LRP5: variants seen among roughly 807,000 people sequenced by gnomAD.
LRP5 encodes low-density lipoprotein receptor-related protein 5.
Under a neutral mutation model 154.1 loss-of-function variants are expected in LRP5, and 62 were observed. That is an observed-to-expected ratio of 0.40 (90% confidence interval 0.33 to 0.50). The LOEUF (loss-of-function observed/expected upper bound fraction) is 0.50. LRP5 is among the 20% of genes least tolerant of loss of function. The pLI, the probability that LRP5 is intolerant of heterozygous loss-of-function variation, is 0.55. For synonymous variants in LRP5, 966 were observed against 1,011.5 expected (o/e 0.96, Z 0.85); for missense variants, 1,915 against 2,336.7 (o/e 0.82, Z 3.72).
Position 68,413,254 on chromosome 11 carries a change from C to A in LRP5, c.2504-435C>A. 3.5e-6 allele frequency: 1 copy of A among 289,102 alleles called. No individual in the cohort carries two copies. The allele number at this position is 289,102 out of a possible 1,614,324, so 17.9% of individuals were successfully genotyped here. ...CAAAAGCCCTGGAAACTCATGTGAC[C>A]CTGCCAATGAGGGCGGCCATGTGCA... On this transcript the variant is annotated intron_variant, in intron 11 of 22. Coordinates refer to ENST00000294304, the MANE Select transcript of LRP5 (RefSeq NM_002335.4). This position sits in a 1 kb window ranked among gnomAD's most constrained non-coding sequence, Gnocchi z 5.1.
At chr11:68,310,546 G>A (rs183620989), upstream of LRP5, among the ~76,000 whole-genome samples, 33 of 152,292 alleles carry the variant, frequency 2.2e-4, no homozygotes, top group African/African-American at 6.0e-4. Context: ...CTTGAGCCTG[G>A]GAGGCAGAGG....
chr11:68,355,567 C>T (rs1423761073), intron 2 of LRP5, among the ~76,000 whole-genome samples: 2 of 152,202 alleles, frequency 1.3e-5, no homozygotes, highest in South Asian at 2.1e-4. Context: ...CTGAGAGTCA[C>T]GCCCAGCCTC....
chr11:68,364,372 G>A (rs1348576854), intron 4 of LRP5, among the ~76,000 whole-genome samples: 1 of 151,502 alleles, frequency 6.6e-6, no homozygotes. Flanking sequence ...GTGTGTGTGT[G>A]TGTGTGTGTG....
At chr11:68,394,723 C>T (rs1348849530) in intron 7 of LRP5, among the ~76,000 whole-genome samples, 1 of 152,166 alleles carries the variant, frequency 6.6e-6, no homozygotes, top group Non-Finnish European at 1.5e-5. Flanking sequence ...CTCGGCCTCC[C>T]AAAGTGCTGG....
At chr11:68,301,324 T>C in the LRP5 span, among the ~76,000 whole-genome samples, 42 of 148,828 alleles carry the variant, frequency 2.8e-4, no homozygotes, top group African/African-American at 9.7e-4. Context: ...TGAAGGTACA[T>C]TGGGCTGAGT....
rs189965669 is a variant in LRP5 at position 68,358,662 on chromosome 11, C to T, written c.686+815C>T. ...GGGGGCCTTCCACATGGTCAGTGCTCAATAAAATGGGCCGAGAATGAGTAG... is the reference window on the plus strand; with the variant it reads ...GGGGGCCTTCCACATGGTCAGTGCTTAATAAAATGGGCCGAGAATGAGTAG... On this transcript the variant is annotated intron_variant, in intron 3 of 22. Coordinates refer to ENST00000294304, the MANE Select transcript of LRP5 (RefSeq NM_002335.4). 1.1e-4 allele frequency among the ~76,000 whole-genome samples: 16 copies of T among 152,320 alleles called. 1 individual carries two copies. Among genetic ancestry groups the T allele is most frequent in the Non-Finnish European group, 2.4e-4 (16 of 68,028 alleles).
At chr11:68,314,187 T>G (rs961843755) in intron 1 of LRP5, among the ~76,000 whole-genome samples, 2 of 151,876 alleles carry the variant, frequency 1.3e-5, no homozygotes, top group Non-Finnish European at 2.9e-5. Context: ...GGAAACTGTT[T>G]GTTTTAAAGG....
At chr11:68,432,047 G>A (rs905844717) in intron 17 of LRP5, among the ~76,000 whole-genome samples, 1 of 152,216 alleles carries the variant, frequency 6.6e-6, no homozygotes, top group Non-Finnish European at 1.5e-5. Flanking sequence ...ATAGTGGCAG[G>A]AGCCAGGCTG....
intron 22 of LRP5, 141 bp from the exon 23 acceptor site, chr11:68,448,668 C>T (rs766933386): frequency 1.3e-5 from 13 of 1,007,596 alleles, no homozygotes; most frequent in Admixed American, 9.6e-5. Flanking sequence ...GGCGACACAG[C>T]GGGGTGGGTC....
At chr11:68,300,227 G>A in the LRP5 span, among the ~76,000 whole-genome samples, 10 of 149,236 alleles carry the variant, frequency 6.7e-5, 1 homozygote, top group South Asian at 2.1e-4. Context: ...ATCCCGTGGC[G>A]TTTACAAGCT....
intron 9 of LRP5, among the ~76,000 whole-genome samples, chr11:68,408,778 T>C (rs1411088910): frequency 1.3e-5 from 2 of 152,068 alleles, no homozygotes; most frequent in African/African-American, 4.8e-5. Context: ...CCGGGCACAG[T>C]GGCTCATGCC....
the LRP5 span, among the ~76,000 whole-genome samples, chr11:68,305,856 A>T: frequency 6.6e-6 from 1 of 152,190 alleles, no homozygotes; most frequent in Non-Finnish European, 1.5e-5. Flanking sequence ...TAGGTACTGT[A>T]TTAGTTTCCT....
intron 17 of LRP5, among the ~76,000 whole-genome samples, chr11:68,433,045 G>A (rs986909657): frequency 6.6e-6 from 1 of 152,184 alleles, no homozygotes; most frequent in Non-Finnish European, 1.5e-5. Context: ...GTGCTGACAG[G>A]TCCTCTGCCG....
intron 1 of LRP5, among the ~76,000 whole-genome samples, chr11:68,323,699 C>T (rs184992435): frequency 1.1e-3 from 161 of 152,188 alleles, no homozygotes; most frequent in African/African-American, 3.7e-3. Context: ...GGATTATAGG[C>T]GTGAGCCACC....
At chr11:68,448,706 T>C in intron 22 of LRP5, 103 bp from the exon 23 acceptor site, 4 of 1,413,498 alleles carry the variant, frequency 2.8e-6, no homozygotes, top group Non-Finnish European at 3.9e-6. Flanking sequence ...CTTCTGGAGC[T>C]GGCCAGTGGA....
At chr11:68,334,898 G>C (rs1034314291) in intron 1 of LRP5, among the ~76,000 whole-genome samples, 7 of 151,936 alleles carry the variant, frequency 4.6e-5, no homozygotes, top group Non-Finnish European at 7.4e-5. Context: ...AAAAGTGTGA[G>C]TATACATACA....
At position 68,312,777 on chromosome 11, in the gene LRP5, G is replaced by C. The variant is rs1401531348; in HGVS notation, c.63G>C (p.Ala21=). The C allele has an allele frequency of 1.8e-6, 2 of 1,087,944 alleles. No individual in the cohort carries two copies. The highest frequency in any genetic ancestry group is 4.2e-5 in the Admixed American group (1 of 24,050). 67.4% of individuals were successfully genotyped at this position (1,087,944 alleles called of 1,614,324 possible). A position where few individuals can be genotyped will look rare whatever the true frequency, so the allele number is the denominator to read the frequency against. Residue 21 remains alanine (A), a synonymous_variant, in exon 1 of 23, where the codon GCG becomes GCC. Transcript: ENST00000294304. The part of the protein sequence containing the change: ...PLLLLLLLLL[A]LCGCPAPAAA... Reference sequence around the variant, plus strand: ...TGCTGCTGCTGCTGCTGCTGCTGGCGCTGTGCGGCTGCCCGGCCCCCGCCG... The same window carrying C: ...TGCTGCTGCTGCTGCTGCTGCTGGCCCTGTGCGGCTGCCCGGCCCCCGCCG...
At chr11:68,347,094 A>T (rs539445368) in intron 1 of LRP5, among the ~76,000 whole-genome samples, 1 of 151,996 alleles carries the variant, frequency 6.6e-6, no homozygotes, top group Non-Finnish European at 1.5e-5. Flanking sequence ...TGGTGGAGAG[A>T]AGTGTAGGTG....
rs760151423 is a variant in LRP5 at position 68,406,714 on chromosome 11, C to T, written c.1992C>T (p.Asn664=). 104 of 1,613,990 alleles carry T rather than the reference C, an allele frequency of 6.4e-5. 1 individual carries two copies. The East Asian group carries it at 2.3e-3, about 36-fold the overall frequency. ...AIHRISLETN[N]NDVAIPLTGV... is the part of the protein sequence containing the mutation. ...ACAGGATCTCCCTCGAGACCAATAA[C>T]AACGACGTGGCCATCCCGCTCACGG... Residue 664 remains asparagine, a synonymous_variant, in exon 9 of 23, where the codon AAC becomes AAT. Coordinates refer to ENST00000294304, the MANE Select transcript of LRP5 (RefSeq NM_002335.4).
Sources: gnomAD v4.1 joint callset for allele counts (sites outside exome capture counted in the v4.1 genomes callset) on GRCh38, gnomAD v4.1.1 for gene constraint, Gnocchi (gnomAD v3.1) non-coding constraint, MANE v1.5 for transcripts, NCBI Gene and HGNC (gene_info 2026-07-23, HGNC 2026-07-21) for gene names.